EIPR1: variants seen among roughly 807,000 people sequenced by gnomAD.
The protein encoded by EIPR1 is EARP and GARP complex-interacting protein 1.
Under a neutral mutation model 48.1 loss-of-function variants are expected in EIPR1, and 25 were observed. The observed-to-expected ratio is 0.52, with a 90% CI of 0.38 to 0.73. The LOEUF (loss-of-function observed/expected upper bound fraction) is 0.73, where lower values mean the gene tolerates loss of function less well. Among genes scored for constraint, EIPR1 ranks in the 30% least tolerant of loss-of-function variants. EIPR1 has a pLI of 0.00. For missense variants in EIPR1, 415 were observed against 506.2 expected (o/e 0.82, Z 1.73); for synonymous variants, 204 against 201.9 (o/e 1.01, Z -0.09).
At position 3,372,145 on chromosome 2, in the gene EIPR1, T is replaced by G. The variant is rs1430263354; in HGVS notation, c.42+5503A>C. Among the ~76,000 whole-genome samples, 3 of 150,782 alleles carry G rather than the reference T, an allele frequency of 2.0e-5. No homozygotes were observed. In the South Asian group the frequency reaches 6.3e-4, roughly 32 times the overall value. ...TCCTGAATGACTACTGGGTACATAATGAAATGAAGGCAGAAATAAAGATGT... is the reference window on the plus strand; with the variant it reads ...TCCTGAATGACTACTGGGTACATAAGGAAATGAAGGCAGAAATAAAGATGT... On this transcript the variant is annotated intron_variant, in intron 1 of 8. Coordinates refer to ENST00000382125, the MANE Select transcript of EIPR1 (RefSeq NM_003310.5).
At chr2:3,238,301 C>T (rs1666481603) in intron 4 of EIPR1, among the ~76,000 whole-genome samples, 2 of 152,170 alleles carry the variant, frequency 1.3e-5, no homozygotes, top group Non-Finnish European at 1.5e-5. Context: ...CCCGTGACCC[C>T]TGGTGCTCTT....
intron 3 of EIPR1, among the ~76,000 whole-genome samples, chr2:3,280,443 C>T (rs1409564642): frequency 6.6e-6 from 1 of 152,130 alleles, no homozygotes; most frequent in Non-Finnish European, 1.5e-5. Context: ...CAGGATGGGC[C>T]GCGGGTGAGT....
intron 3 of EIPR1, among the ~76,000 whole-genome samples, chr2:3,283,284 C>T (rs753469602): frequency 2.0e-5 from 3 of 152,196 alleles, no homozygotes; most frequent in Non-Finnish European, 4.4e-5. Flanking sequence ...GCCTCCTCCC[C>T]ACACCAGCAG....
In EIPR1 at chr2:3,320,113, GCCCCTGGGGGCAACACCA is replaced by G. The variant is rs1446990338; in HGVS notation, c.259+17886_259+17903del. The G allele has an allele frequency of 6.6e-3, 856 of 129,248 alleles. 4 individuals are homozygous for G. Among genetic ancestry groups the G allele is most frequent in the African/African-American group, 0.03 (809 of 27,404 alleles). The allele number at this position is 129,248 out of a possible 1,614,324, so 8.0% of individuals were successfully genotyped here. ...CCGCACCTGCAGGCAGGGCAACACC[GCCCCTGGGGGCAACACCA>G]CCCCTGCGGGCAACACCACCCCTGC... On this transcript the variant is annotated intron_variant, in intron 3 of 8. Transcript: ENST00000382125.
chr2:3,344,367 C>T (rs1670339261), intron 2 of EIPR1, among the ~76,000 whole-genome samples: 2 of 152,202 alleles, frequency 1.3e-5, no homozygotes, highest in Admixed American at 1.3e-4. Flanking sequence ...TTTCTTTACC[C>T]CTGGTTACAG....
At chr2:3,193,964 C>A in intron 7 of EIPR1, 35 bp downstream of exon 7, 1 of 1,609,382 alleles carries the variant, frequency 6.2e-7, no homozygotes, top group Non-Finnish European at 8.5e-7. Flanking sequence ...ATTGCGTAAT[C>A]CCCTCCTCCC....
chr2:3,295,309 C>A (rs1668524196), intron 3 of EIPR1, among the ~76,000 whole-genome samples: 1 of 130,662 alleles, frequency 7.7e-6, no homozygotes, highest in Non-Finnish European at 1.6e-5. Flanking sequence ...CCACACACAC[C>A]CTCCATCCAG....
intron 3 of EIPR1, among the ~76,000 whole-genome samples, chr2:3,327,982 A>G (rs975158515): frequency 5.9e-5 from 9 of 152,142 alleles, no homozygotes; most frequent in Non-Finnish European, 1.3e-4. Flanking sequence ...CCTGGGCTCA[A>G]GCAATCTACC....
At chr2:3,296,031 C>T (rs1668572608) in intron 3 of EIPR1, among the ~76,000 whole-genome samples, 1 of 127,300 alleles carries the variant, frequency 7.9e-6, no homozygotes, top group African/African-American at 3.0e-5. Context: ...CCAGCCCATC[C>T]TCTCTACTCA....
At chr2:3,233,268 C>G (rs1463181953) in intron 4 of EIPR1, among the ~76,000 whole-genome samples, 4 of 151,970 alleles carry the variant, frequency 2.6e-5, no homozygotes, top group Admixed American at 6.6e-5. Context: ...AGATATAATT[C>G]TTTCCAAAGG....
intron 3 of EIPR1, chr2:3,319,102 T>G (rs1669409942): frequency 2.2e-5 from 8 of 368,828 alleles, no homozygotes. Context: ...TAAACTCCAG[T>G]GCTTGAGCGT....
At chr2:3,245,939 A>G (rs559733945) in intron 4 of EIPR1, among the ~76,000 whole-genome samples, 1 of 152,274 alleles carries the variant, frequency 6.6e-6, no homozygotes, top group East Asian at 1.9e-4. Flanking sequence ...TAAAATTTAA[A>G]AATTAGCCAG....
At chr2:3,280,227 G>A (rs756339514) in intron 3 of EIPR1, among the ~76,000 whole-genome samples, 5 of 152,296 alleles carry the variant, frequency 3.3e-5, no homozygotes, top group African/African-American at 9.6e-5. Flanking sequence ...ACCTGAGTCC[G>A]GAGCCTCACA....
At chr2:3,361,572 C>A (rs142384804) in intron 1 of EIPR1, among the ~76,000 whole-genome samples, 1 of 152,126 alleles carries the variant, frequency 6.6e-6, no homozygotes, top group Non-Finnish European at 1.5e-5. Flanking sequence ...GGTAAGCAGG[C>A]GAGGAGTGCT....
At chr2:3,273,530 C>CAA (rs11287109) in intron 3 of EIPR1, among the ~76,000 whole-genome samples, 1 of 151,448 alleles carries the variant, frequency 6.6e-6, no homozygotes. Flanking sequence ...CACACACACG[C>CAA]AAAAAAAAAC....
At chr2:3,294,984 T>TAC (rs143221197) in intron 3 of EIPR1, among the ~76,000 whole-genome samples, 3,768 of 67,342 alleles carry the variant, frequency 0.056, 379 homozygotes, top group African/African-American at 0.08. Context: ...CCATCCTCTC[T>TAC]ACACACACAC....
Position 3,263,085 on chromosome 2 carries a change from A to T in EIPR1, c.260-5630T>A, listed in dbSNP as rs529298391. 2.6e-5 allele frequency among the ~76,000 whole-genome samples: 4 copies of T among 152,360 alleles called. No individual in the cohort carries two copies. In the South Asian group the frequency reaches 8.3e-4, roughly 32 times the overall value. On this transcript the variant is annotated intron_variant, in intron 3 of 8. Coordinates refer to ENST00000382125, the MANE Select transcript of EIPR1 (RefSeq NM_003310.5). Reference sequence around the variant, plus strand: ...GAGATCTGAGCTGCTTTACAGATCAATGAGTTCGGGAGAGGGCATAAGCCA... The same window carrying T: ...GAGATCTGAGCTGCTTTACAGATCATTGAGTTCGGGAGAGGGCATAAGCCA...
chr2:3,205,801 C>T (rs901045267), intron 5 of EIPR1, among the ~76,000 whole-genome samples: 1 of 152,190 alleles, frequency 6.6e-6, no homozygotes, highest in Non-Finnish European at 1.5e-5. Context: ...GGCTTGGCTC[C>T]AGCTCCTATA....
intron 7 of EIPR1, among the ~76,000 whole-genome samples, chr2:3,193,477 A>G (rs542724399): frequency 1.3e-5 from 2 of 152,222 alleles, no homozygotes; most frequent in South Asian, 2.1e-4. Context: ...CATGCTATAC[A>G]TGCCATTGTA....
Sources: allele counts gnomAD v4.1 joint callset (sites outside exome capture counted in the v4.1 genomes callset), GRCh38; gene constraint gnomAD v4.1.1; transcripts MANE v1.5; gene names NCBI Gene and HGNC (gene_info 2026-07-23, HGNC 2026-07-21).